The following NME7 variants were observed in gnomAD, a reference collection of about 807,000 sequenced individuals.
NME7 encodes NME/NM23 family member 7, also known as nucleoside diphosphate kinase 7.
A neutral mutation model predicts 49.1 loss-of-function variants in NME7; 41 were observed. That is an observed-to-expected ratio of 0.83 (90% CI 0.65 to 1.08). The LOEUF (loss-of-function observed/expected upper bound fraction) is 1.08. NME7 is among the 50% of genes least tolerant of loss of function. NME7 has a pLI of 0.00. For synonymous variants in NME7, 139 were observed against 150.6 expected (o/e 0.92, Z 0.56); for missense variants, 423 against 463.4 (o/e 0.91, Z 0.80).
At chr1:169,170,087 A>T (rs1374318909) in intron 10 of NME7, among the ~76,000 whole-genome samples, 1 of 152,248 alleles carries the variant, frequency 6.6e-6, no homozygotes, top group Non-Finnish European at 1.5e-5. Flanking sequence ...AAGGTGGATC[A>T]ATGAATTTGA....
chr1:169,281,435 AC>A (rs1285563135), intron 7 of NME7, among the ~76,000 whole-genome samples: 41 of 152,226 alleles, frequency 2.7e-4, no homozygotes, highest in African/African-American at 5.3e-4. Context: ...CTATCTGAAT[AC>A]CCTTTATTGC....
At chr1:169,169,902 A>G (rs1455225877) in intron 10 of NME7, among the ~76,000 whole-genome samples, 6 of 152,358 alleles carry the variant, frequency 3.9e-5, no homozygotes, top group Non-Finnish European at 2.9e-5. Context: ...AAAAAATGTT[A>G]GCTGTATCAA....
At chr1:169,360,496 C>T (rs1308363778) in intron 1 of NME7, among the ~76,000 whole-genome samples, 2 of 152,158 alleles carry the variant, frequency 1.3e-5, no homozygotes, top group Admixed American at 1.3e-4. Context: ...CAAAATCCCT[C>T]CCAAGTTCCA....
At chr1:169,256,012 C>T (rs1217836802) in intron 7 of NME7, among the ~76,000 whole-genome samples, 3 of 133,026 alleles carry the variant, frequency 2.3e-5, no homozygotes, top group Non-Finnish European at 5.3e-5. Flanking sequence ...ACCTTCATTT[C>T]AACTTTGGTG....
At chr1:169,150,644 TA>T (rs1418904535) in intron 11 of NME7, among the ~76,000 whole-genome samples, 4 of 152,106 alleles carry the variant, frequency 2.6e-5, no homozygotes, top group African/African-American at 9.7e-5. Flanking sequence ...TCCTTTCTAT[TA>T]ACCAGCTAAC....
Position 169,258,397 on chromosome 1 carries a change from T to C in NME7, c.755-20710A>G, listed in dbSNP as rs1219047756. On this transcript the variant is annotated intron_variant, in intron 7 of 11. Transcript: ENST00000367811. Reference sequence around the variant, plus strand: ...AAACATATATATATATATATATATATATATATATACACACACACACACACA... The same window carrying C: ...AAACATATATATATATATATATATACATATATATACACACACACACACACA... Among the ~76,000 whole-genome samples the C allele has an allele frequency of 1.2e-4, 10 of 82,608 alleles. 1 individual carries two copies. The highest frequency in any genetic ancestry group is 4.6e-4 in the African/African-American group (10 of 21,752). The allele number at this position is 82,608 out of a possible 152,430, so 54.2% of individuals were successfully genotyped here. A position where few individuals can be genotyped will look rare whatever the true frequency, so the allele number is the denominator to read the frequency against.
chr1:169,301,678 T>A (rs1047964224), intron 5 of NME7, among the ~76,000 whole-genome samples: 8 of 151,938 alleles, frequency 5.3e-5, no homozygotes, highest in African/African-American at 1.7e-4. Context: ...CAAGTGCCCA[T>A]CAGTGGCAGA....
At chr1:169,338,212 A>T (rs1652554886) in intron 1 of NME7, among the ~76,000 whole-genome samples, 1 of 152,200 alleles carries the variant, frequency 6.6e-6, no homozygotes, top group African/African-American at 2.4e-5. Flanking sequence ...ACAGTTTAAA[A>T]TTTCTTTTGA....
intron 2 of NME7, among the ~76,000 whole-genome samples, 198 bp downstream of exon 2, chr1:169,324,195 T>A (rs1651964776): frequency 2.0e-5 from 3 of 152,238 alleles, no homozygotes; most frequent in Middle Eastern, 3.4e-3. Flanking sequence ...AAAATTCCTA[T>A]TTTTGACATT....
chr1:169,252,403 G>A (rs1195397028), intron 7 of NME7, among the ~76,000 whole-genome samples: 1 of 151,882 alleles, frequency 6.6e-6, no homozygotes, highest in East Asian at 1.9e-4. Flanking sequence ...CTTTTTGATG[G>A]GGTTGTTTGT....
intron 10 of NME7, among the ~76,000 whole-genome samples, chr1:169,190,394 AAAGAC>A (rs1660183999): frequency 6.6e-6 from 1 of 151,366 alleles, no homozygotes; most frequent in Non-Finnish European, 1.5e-5. Flanking sequence ...ATATATATAA[AAAGAC>A]AATGGTTTGA....
intron 3 of NME7, among the ~76,000 whole-genome samples, chr1:169,322,677 A>AATAT (rs143850615): frequency 0.014 from 2,128 of 148,738 alleles, 20 homozygotes; most frequent in Middle Eastern, 0.028. Flanking sequence ...ATTAGATATA[A>AATAT]ATATATATAT....
At chr1:169,359,039 C>T (rs1056025002) in intron 1 of NME7, among the ~76,000 whole-genome samples, 32 of 152,008 alleles carry the variant, frequency 2.1e-4, no homozygotes, top group African/African-American at 6.5e-4. Context: ...AAGAATAAAA[C>T]GTAGAGCTGT....
At chr1:169,161,182 A>G (rs1047475815) in intron 11 of NME7, among the ~76,000 whole-genome samples, 5 of 152,182 alleles carry the variant, frequency 3.3e-5, no homozygotes, top group African/African-American at 1.2e-4. Flanking sequence ...GCCCCTGCTG[A>G]TGTTTCCAGC....
intron 3 of NME7, among the ~76,000 whole-genome samples, chr1:169,314,488 CA>C (rs1187552496): frequency 6.6e-6 from 1 of 151,564 alleles, no homozygotes; most frequent in Non-Finnish European, 1.5e-5. Flanking sequence ...TCCGAACAAT[CA>C]AAAATAAGAT....
At chr1:169,215,766 T>C (rs770160702) in intron 10 of NME7, among the ~76,000 whole-genome samples, 4 of 152,322 alleles carry the variant, frequency 2.6e-5, no homozygotes, top group African/African-American at 4.8e-5. Flanking sequence ...CAAGAGAATA[T>C]TATTAAATCA....
chr1:169,161,974 T>C (rs1659261688), intron 11 of NME7, among the ~76,000 whole-genome samples: 1 of 152,188 alleles, frequency 6.6e-6, no homozygotes, highest in African/African-American at 2.4e-5. Context: ...TTTTTTTAGA[T>C]ATGCATTCCG....
At chr1:169,240,568 C>T (rs948390807) in intron 7 of NME7, among the ~76,000 whole-genome samples, 1 of 151,796 alleles carries the variant, frequency 6.6e-6, no homozygotes, top group Non-Finnish European at 1.5e-5. Flanking sequence ...TTTTTTTACC[C>T]TGTTACATTA....
chr1:169,301,431 G>A (rs1327934390), intron 5 of NME7, among the ~76,000 whole-genome samples: 2 of 152,052 alleles, frequency 1.3e-5, no homozygotes, highest in Non-Finnish European at 2.9e-5. Flanking sequence ...TAACATGCTG[G>A]CAAGACTATA....
Sources: gnomAD v4.1 joint callset for allele counts (sites outside exome capture counted in the v4.1 genomes callset) on GRCh38, gnomAD v4.1.1 for gene constraint, MANE v1.5 for transcripts, NCBI Gene and HGNC (gene_info 2026-07-23, HGNC 2026-07-21) for gene names.